PPARGC1A: variants seen among roughly 807,000 people sequenced by gnomAD.
PPARGC1A encodes the protein PPARG coactivator 1 alpha, also known as peroxisome proliferator-activated receptor gamma coactivator 1-alpha.
Under a neutral mutation model 88.7 loss-of-function variants are expected in PPARGC1A, and 25 were observed. That is an observed-to-expected ratio of 0.28 (90% CI 0.21 to 0.39). The LOEUF (loss-of-function observed/expected upper bound fraction) is 0.39. PPARGC1A is among the 10% of genes least tolerant of loss of function. PPARGC1A has a pLI of 1.00. For synonymous variants in PPARGC1A, 363 were observed against 355.6 expected, an observed-to-expected ratio of 1.02 and a Z score of -0.24; for missense variants, 880 against 968.7, an observed-to-expected ratio of 0.91 and a Z score of 1.22.
the PPARGC1A span, among the ~76,000 whole-genome samples, chr4:23,936,565 C>T: frequency 6.6e-6 from 1 of 152,076 alleles, no homozygotes; most frequent in Non-Finnish European, 1.5e-5. Flanking sequence ...GGACAAACCC[C>T]ATCTCTACTA....
chr4:23,933,441 T>C, the PPARGC1A span, among the ~76,000 whole-genome samples: 58 of 152,348 alleles, frequency 3.8e-4, no homozygotes, highest in Non-Finnish European at 7.3e-4. Flanking sequence ...ACCACACAAA[T>C]AGTTGATTTG....
chr4:24,156,654 G>C, the PPARGC1A span, among the ~76,000 whole-genome samples: 12 of 151,730 alleles, frequency 7.9e-5, no homozygotes, highest in African/African-American at 2.9e-4. Flanking sequence ...ATTTTAAGTG[G>C]ATTTCACAAT....
the PPARGC1A span, among the ~76,000 whole-genome samples, chr4:24,186,712 C>T: frequency 2.0e-5 from 3 of 152,184 alleles, no homozygotes; most frequent in Middle Eastern, 3.4e-3. Context: ...GGAGCACACG[C>T]TCCTTTTCTG....
At chr4:24,331,032 A>T in the PPARGC1A span, among the ~76,000 whole-genome samples, 1 of 152,296 alleles carries the variant, frequency 6.6e-6, no homozygotes, top group East Asian at 1.9e-4. Context: ...ATAGGCATCT[A>T]GCCTTACCAT....
intron 8 of PPARGC1A, 105 bp from the exon 9 acceptor site, chr4:23,813,230 CT>C (rs1454067127): frequency 1.1e-6 from 1 of 933,360 alleles, no homozygotes. Context: ...CAGAGACTGG[CT>C]TTTTCTTCCC....
chr4:24,270,571 T>A, the PPARGC1A span, among the ~76,000 whole-genome samples: 1 of 152,278 alleles, frequency 6.6e-6, no homozygotes, highest in African/African-American at 2.4e-5. Flanking sequence ...GAATTTCAGC[T>A]TTACTATTCA....
At chr4:24,254,223 T>C in the PPARGC1A span, among the ~76,000 whole-genome samples, 323 of 152,294 alleles carry the variant, frequency 2.1e-3, 1 homozygote, top group Non-Finnish European at 2.1e-3. Context: ...ACCTCAGTTA[T>C]GCCTTGCAGC....
chr4:24,316,000 G>C, the PPARGC1A span, among the ~76,000 whole-genome samples: 4 of 152,282 alleles, frequency 2.6e-5, no homozygotes, highest in Admixed American at 2.6e-4. Flanking sequence ...TGCACCCAAT[G>C]CCCATATAAA....
the PPARGC1A span, among the ~76,000 whole-genome samples, chr4:24,117,092 GACAGGATT>G: frequency 6.6e-6 from 1 of 151,994 alleles, no homozygotes; most frequent in African/African-American, 2.4e-5. Context: ...AGGTTCCTCT[GACAGGATT>G]ACATTTGTAC....
At chr4:24,138,575 A>AC in the PPARGC1A span, among the ~76,000 whole-genome samples, 1 of 152,198 alleles carries the variant, frequency 6.6e-6, no homozygotes, top group African/African-American at 2.4e-5. Flanking sequence ...CCTGGGAGCA[A>AC]CCAGCCTGAT....
At chr4:24,344,625 T>C in the PPARGC1A span, among the ~76,000 whole-genome samples, 1 of 152,046 alleles carries the variant, frequency 6.6e-6, no homozygotes, top group Non-Finnish European at 1.5e-5. Context: ...ACTGATTTGT[T>C]TGAGTTTGTT....
At chr4:24,185,061 G>A in the PPARGC1A span, among the ~76,000 whole-genome samples, 2 of 152,090 alleles carry the variant, frequency 1.3e-5, no homozygotes, top group East Asian at 1.9e-4. Context: ...CAATGTGTTC[G>A]AGAAAAGTAC....
chr4:23,901,369 CAA>C (rs766239228), upstream of PPARGC1A, among the ~76,000 whole-genome samples: 18,792 of 71,334 alleles, frequency 0.26, 1,505 homozygotes, highest in Non-Finnish European at 0.32. Flanking sequence ...GACTCCGTCT[CAA>C]AAAAAAAAAA....
the PPARGC1A span, among the ~76,000 whole-genome samples, chr4:24,120,885 C>T: frequency 1.3e-5 from 2 of 152,116 alleles, no homozygotes; most frequent in Admixed American, 6.5e-5. Flanking sequence ...AAATTTCTGT[C>T]GTTTATAAGC....
At chr4:24,034,157 T>C in the PPARGC1A span, among the ~76,000 whole-genome samples, 1 of 152,216 alleles carries the variant, frequency 6.6e-6, no homozygotes, top group Admixed American at 6.5e-5. Flanking sequence ...AAGTCAGTCC[T>C]AATGCCTTTT....
the PPARGC1A span, among the ~76,000 whole-genome samples, chr4:24,245,376 C>T: frequency 2.8e-4 from 43 of 152,148 alleles, no homozygotes; most frequent in Non-Finnish European, 1.5e-4. Flanking sequence ...AATATGACAC[C>T]GAGCCTGGCA....
the PPARGC1A span, among the ~76,000 whole-genome samples, chr4:24,221,293 G>A: frequency 6.6e-6 from 1 of 152,126 alleles, no homozygotes; most frequent in Non-Finnish European, 1.5e-5. Flanking sequence ...CAGGTGTCAT[G>A]TGCTGTGTAT....
At chr4:23,995,327 G>A in the PPARGC1A span, among the ~76,000 whole-genome samples, 1 of 152,240 alleles carries the variant, frequency 6.6e-6, no homozygotes, top group South Asian at 2.1e-4. Flanking sequence ...GACTTTCCCA[G>A]CTTGCCATGT....
chr4:23,817,814 G>A (rs1399473506), intron 7 of PPARGC1A, among the ~76,000 whole-genome samples: 2 of 152,084 alleles, frequency 1.3e-5, no homozygotes, highest in African/African-American at 4.8e-5. Context: ...ATCACCAAGT[G>A]CCTCCCTAAT....
Sources: allele counts gnomAD v4.1 joint callset (sites outside exome capture counted in the v4.1 genomes callset), GRCh38; gene constraint gnomAD v4.1.1; transcripts MANE v1.5; gene names NCBI Gene and HGNC (gene_info 2026-07-23, HGNC 2026-07-21).